Variants in TM2D1 observed in about 807,000 individuals in gnomAD.
TM2D1 encodes the protein TM2 domain containing 1.
A neutral mutation model predicts 28.4 loss-of-function variants in TM2D1; 15 were observed. The observed-to-expected ratio is 0.53, with a 90% CI of 0.35 to 0.81. The LOEUF is 0.81. TM2D1 is among the 40% of genes least tolerant of loss of function. The pLI, the probability that TM2D1 is intolerant of heterozygous loss-of-function variation, is 0.01. For synonymous variants in TM2D1, 93 were observed against 96.2 expected (o/e 0.97, Z 0.20); for missense variants, 236 against 254.9 (o/e 0.93, Z 0.50).
intron 5 of TM2D1, among the ~76,000 whole-genome samples, chr1:61,689,912 T>A (rs1201278084): frequency 6.6e-6 from 1 of 152,182 alleles, no homozygotes; most frequent in African/African-American, 2.4e-5. Flanking sequence ...CCCTACAAAA[T>A]TCCTATGTTG....
intron 3 of TM2D1, among the ~76,000 whole-genome samples, chr1:61,705,186 T>C (rs779803372): frequency 2.0e-5 from 3 of 152,186 alleles, no homozygotes; most frequent in African/African-American, 7.2e-5. Flanking sequence ...TAGCAGAGAT[T>C]AGTTATTCAC....
intron 3 of TM2D1, among the ~76,000 whole-genome samples, chr1:61,701,728 T>C (rs180740081): frequency 4.1e-4 from 62 of 152,102 alleles, no homozygotes; most frequent in Non-Finnish European, 6.0e-4. Context: ...TACAATGGAA[T>C]AGGGCACCAA....
At chr1:61,688,871 G>T (rs182081748) in intron 5 of TM2D1, among the ~76,000 whole-genome samples, 2 of 142,802 alleles carry the variant, frequency 1.4e-5, no homozygotes, top group East Asian at 4.3e-4. Flanking sequence ...ATGGTGAAAC[G>T]CCATCTCTAC....
At position 61,715,239 on chromosome 1, in the gene TM2D1, G is replaced by C. The variant is rs78744753; in HGVS notation, c.239-5802C>G. ...GAGAACTCCAAAGAGCAGGACTTTA[G>C]AACTAGACAGATTTGGATTTAAGTC... On this transcript the variant is annotated intron_variant, in intron 2 of 6. Coordinates refer to ENST00000606498, the MANE Select transcript of TM2D1 (RefSeq NM_032027.3). 4.6e-4 allele frequency among the ~76,000 whole-genome samples: 70 copies of C among 152,250 alleles called. No individual in the cohort carries two copies. The East Asian group carries it at 9.6e-3, about 21-fold the overall frequency.
At chr1:61,712,096 G>C (rs1434109992) in intron 2 of TM2D1, among the ~76,000 whole-genome samples, 2 of 152,006 alleles carry the variant, frequency 1.3e-5, no homozygotes, top group African/African-American at 4.8e-5. Context: ...GAGGACATTT[G>C]GCAAGGTCTG....
At chr1:61,697,215 A>G (rs1052906227) in intron 4 of TM2D1, among the ~76,000 whole-genome samples, 2 of 151,062 alleles carry the variant, frequency 1.3e-5, no homozygotes, top group African/African-American at 5.0e-5. Context: ...TTGGAGTAAG[A>G]TATGCTGTAA....
At chr1:61,721,334 G>T (rs1644562582) in intron 2 of TM2D1, among the ~76,000 whole-genome samples, 1 of 152,016 alleles carries the variant, frequency 6.6e-6, no homozygotes, top group South Asian at 2.1e-4. Flanking sequence ...CTGAGGTCAG[G>T]ACTTCAAGAC....
intron 5 of TM2D1, among the ~76,000 whole-genome samples, chr1:61,684,880 C>T (rs1214040054): frequency 6.6e-6 from 1 of 152,176 alleles, no homozygotes; most frequent in African/African-American, 2.4e-5. Flanking sequence ...GGGGCTCTAG[C>T]GATCCTCCCA....
chr1:61,696,685 T>C (rs1644365419), intron 4 of TM2D1, among the ~76,000 whole-genome samples: 1 of 152,134 alleles, frequency 6.6e-6, no homozygotes, highest in Non-Finnish European at 1.5e-5. Flanking sequence ...TTTCCAAGGA[T>C]GTTCTTCCTT....
At chr1:61,707,061 C>G (rs1344092273) in intron 3 of TM2D1, among the ~76,000 whole-genome samples, 2 of 152,070 alleles carry the variant, frequency 1.3e-5, no homozygotes, top group Non-Finnish European at 2.9e-5. Flanking sequence ...TTGAGACCAG[C>G]CTGGGCAACA....
At chr1:61,691,932 A>AAAAAAAATATATATATAT in intron 5 of TM2D1, among the ~76,000 whole-genome samples, 37 of 76,368 alleles carry the variant, frequency 4.8e-4, no homozygotes, top group Admixed American at 1.2e-3. Flanking sequence ...AAAAAAAAAA[A>AAAAAAAATATATATATAT]ATATATATAT....
intron 3 of TM2D1, among the ~76,000 whole-genome samples, chr1:61,705,433 G>A (rs982751054): frequency 2.6e-5 from 4 of 151,978 alleles, no homozygotes; most frequent in Admixed American, 6.6e-5. Context: ...CGATCTGCCC[G>A]CCTCAGCCTC....
chr1:61,690,553 T>G (rs1644316863), intron 5 of TM2D1, among the ~76,000 whole-genome samples: 1 of 150,866 alleles, frequency 6.6e-6, no homozygotes, highest in Admixed American at 6.6e-5. Flanking sequence ...CTAAAACAGG[T>G]CCTACATAAA....
intron 3 of TM2D1, among the ~76,000 whole-genome samples, chr1:61,708,984 A>T (rs1023610486): frequency 1.3e-5 from 2 of 152,090 alleles, no homozygotes; most frequent in Middle Eastern, 3.2e-3. Context: ...TGGGAAACAT[A>T]GAGAGATCTC....
intron 4 of TM2D1, 59 bp from the exon 5 acceptor site, chr1:61,694,829 G>T: frequency 2.8e-6 from 3 of 1,062,786 alleles, no homozygotes; most frequent in Non-Finnish European, 2.7e-6. Flanking sequence ...TTAACAAACT[G>T]CTCCATTTTC....
chr1:61,700,306 C>T (rs891088914), intron 4 of TM2D1: 2 of 1,438,222 alleles, frequency 1.4e-6, no homozygotes, highest in Non-Finnish European at 1.8e-6. Context: ...GGATGATAAA[C>T]TCAGAGGGTT....
intron 5 of TM2D1, among the ~76,000 whole-genome samples, chr1:61,689,091 A>G (rs981170725): frequency 6.6e-6 from 1 of 152,248 alleles, no homozygotes; most frequent in Non-Finnish European, 1.5e-5. Context: ...TCCTACATCT[A>G]GCAAACTATC....
At chr1:61,712,551 T>C (rs1391196594) in intron 2 of TM2D1, among the ~76,000 whole-genome samples, 1 of 152,044 alleles carries the variant, frequency 6.6e-6, no homozygotes, top group African/African-American at 2.4e-5. Context: ...GCTGGGATTA[T>C]AGGCACCTGC....
chr1:61,685,827 G>C (rs1453737296), intron 5 of TM2D1, among the ~76,000 whole-genome samples: 2 of 152,102 alleles, frequency 1.3e-5, no homozygotes, highest in Admixed American at 1.3e-4. Context: ...AAAAAAGCAA[G>C]AACTTTGCCT....
Sources: gnomAD v4.1 joint callset for allele counts (sites outside exome capture counted in the v4.1 genomes callset) on GRCh38, gnomAD v4.1.1 for gene constraint, MANE v1.5 for transcripts, NCBI Gene and HGNC (gene_info 2026-07-23, HGNC 2026-07-21) for gene names.